Variants in CPAMD8 observed in about 807,000 individuals in gnomAD.
CPAMD8 encodes the protein C3 and PZP like alpha-2-macroglobulin domain containing 8, also known as C3 and PZP-like alpha-2-macroglobulin domain-containing protein 8.
In CPAMD8, 146 loss-of-function variants were observed where a neutral mutation model predicts 224.7. The observed-to-expected ratio is 0.65, with a 90% confidence interval of 0.57 to 0.75. CPAMD8 has a LOEUF of 0.75. Among genes scored for constraint, CPAMD8 ranks in the 30% least tolerant of loss-of-function variants. CPAMD8 has a pLI of 0.00. For missense variants in CPAMD8, 2,301 were observed against 2,537.5 expected (o/e 0.91, Z 2.00); for synonymous variants, 966 against 1,044.6 (o/e 0.92, Z 1.45).
At chr19:16,910,358 C>T (rs543855010) in intron 29 of CPAMD8, 124 of 150,696 alleles carry the variant, frequency 8.2e-4, no homozygotes, top group Admixed American at 1.7e-3. Context: ...TCAGTAGAGA[C>T]GGGGATTCTC....
At chr19:17,001,897 C>G (rs962997547) in intron 9 of CPAMD8, among the ~76,000 whole-genome samples, 2 of 150,440 alleles carry the variant, frequency 1.3e-5, no homozygotes, top group Non-Finnish European at 3.0e-5. Flanking sequence ...GGATGATGCT[C>G]TAGCGGGTGG....
intron 2 of CPAMD8, among the ~76,000 whole-genome samples, chr19:17,021,203 G>C (rs779157583): frequency 6.6e-6 from 1 of 152,174 alleles, no homozygotes; most frequent in East Asian, 1.9e-4. Context: ...CAAGAGGTAG[G>C]GGGAGAAGCT....
At chr19:16,950,686 G>C (rs2054269397) in intron 20 of CPAMD8, among the ~76,000 whole-genome samples, 1 of 151,070 alleles carries the variant, frequency 6.6e-6, no homozygotes, top group African/African-American at 2.4e-5. Context: ...CCATCTACTT[G>C]AGAGGCTGAG....
chr19:16,951,597 G>C (rs1013629727), intron 20 of CPAMD8, among the ~76,000 whole-genome samples: 1 of 152,056 alleles, frequency 6.6e-6, no homozygotes, highest in Non-Finnish European at 1.5e-5. Flanking sequence ...AAAGCTCCAT[G>C]CTATCATATA....
chr19:16,920,341 G>T (rs1011286367), intron 27 of CPAMD8, among the ~76,000 whole-genome samples: 3 of 152,114 alleles, frequency 2.0e-5, no homozygotes, highest in Non-Finnish European at 4.4e-5. Flanking sequence ...GTAGCCAGGC[G>T]TGGTGGCGGG....
rs757180417 is a variant in CPAMD8 at position 16,925,391 on chromosome 19, G to C, written c.3371-19C>G. 7 of 1,603,598 alleles carry C rather than the reference G, an allele frequency of 4.4e-6. No homozygotes were observed. Among genetic ancestry groups the C allele is most frequent in the East Asian group, 4.5e-5 (2 of 44,822 alleles). ...ACGTCCCCTGGTGGGAAGGAGAAGA[G>C]AGTTGAGTTGGGGGCTGTCCCAGTT... On this transcript the variant is annotated intron_variant, in intron 25 of 41. Transcript: ENST00000443236.
At chr19:17,002,173 A>C in intron 9 of CPAMD8, 93 bp downstream of exon 9, 1 of 809,816 alleles carries the variant, frequency 1.2e-6, no homozygotes. Flanking sequence ...GGAGGGAGGC[A>C]GCAGAGGAGG....
chr19:16,982,760 G>A (rs1483380203), intron 13 of CPAMD8, among the ~76,000 whole-genome samples: 1 of 152,236 alleles, frequency 6.6e-6, no homozygotes, highest in South Asian at 2.1e-4. Flanking sequence ...GATCACTTGA[G>A]CACAGGAGGT....
At chr19:16,903,338 C>T (rs962206748) in intron 34 of CPAMD8, among the ~76,000 whole-genome samples, 1 of 151,952 alleles carries the variant, frequency 6.6e-6, no homozygotes, top group Non-Finnish European at 1.5e-5. Context: ...GATCCCTGGA[C>T]TGAGGGTCAA....
At chr19:17,018,302 T>C (rs1195904185) in intron 3 of CPAMD8, among the ~76,000 whole-genome samples, 2 of 152,158 alleles carry the variant, frequency 1.3e-5, no homozygotes, top group African/African-American at 2.4e-5. Flanking sequence ...TGAAAACCCA[T>C]GTCATAAAAT....
intron 18 of CPAMD8, among the ~76,000 whole-genome samples, chr19:16,970,238 C>CAAA (rs34399675): frequency 0.024 from 2,264 of 92,572 alleles, 35 homozygotes; most frequent in Non-Finnish European, 0.037. Context: ...GACTCTGTCT[C>CAAA]AAAAAAAAAA....
At chr19:16,894,549 C>G (rs2051884602) in intron 41 of CPAMD8, 2 of 446,178 alleles carry the variant, frequency 4.5e-6, no homozygotes, top group Non-Finnish European at 9.1e-6. Flanking sequence ...GCCACCTCCT[C>G]ATTTAGATGG....
intron 18 of CPAMD8, among the ~76,000 whole-genome samples, chr19:16,959,545 CT>C (rs1056827789): frequency 4.2e-4 from 58 of 139,560 alleles, no homozygotes; most frequent in South Asian, 3.0e-3. Context: ...CGTATATTTT[CT>C]TTTTTTTTTT....
rs1346985028 is a variant in CPAMD8 at position 16,904,376 on chromosome 19, G to C, written c.4115-14C>G. ...CGGCCGAGACCACTGCAATGGAAGA[G>C]GCCCACTGGGGACTTTTGACACAGG... On this transcript the variant is annotated splice_polypyrimidine_tract_variant and intron_variant, in intron 31 of 41. Coordinates refer to ENST00000443236, the MANE Select transcript of CPAMD8 (RefSeq NM_015692.5). 3 of 1,613,972 alleles carry C rather than the reference G, an allele frequency of 1.9e-6. No homozygotes were observed. Among genetic ancestry groups the C allele is most frequent in the Non-Finnish European group, 2.5e-6 (3 of 1,180,030 alleles).
intron 30 of CPAMD8, among the ~76,000 whole-genome samples, chr19:16,906,592 C>T (rs1306878399): frequency 6.6e-6 from 1 of 151,446 alleles, no homozygotes; most frequent in South Asian, 2.1e-4. Context: ...TTAGGAGAGA[C>T]GGGGTTTCAC....
chr19:17,001,792 G>A (rs576174847), intron 9 of CPAMD8, among the ~76,000 whole-genome samples: 1 of 151,898 alleles, frequency 6.6e-6, no homozygotes, highest in South Asian at 2.1e-4. Context: ...GAGATGGAAG[G>A]GGAGGGCAGA....
Position 16,952,150 on chromosome 19 carries a change from G to GTGAA in CPAMD8, c.2326_2327insTTCA (p.Thr776IlefsTer7). 1 of 1,551,576 alleles carries GTGAA rather than the reference G, an allele frequency of 6.4e-7. No individual in the cohort carries two copies. The highest frequency in any genetic ancestry group is 8.7e-7 in the Non-Finnish European group (1 of 1,146,854). On this transcript the variant is annotated frameshift_variant, in exon 20 of 42. Transcript: ENST00000443236. LOFTEE classifies it high-confidence loss of function. ...GGCCACGGCCTCACCCACCCAGCTGGTGATGGAGTCCGGGACCTTCACACT... is the reference window on the plus strand; with the variant it reads ...GGCCACGGCCTCACCCACCCAGCTGGTGAATGATGGAGTCCGGGACCTTCACACT...
At chr19:16,903,890 T>C (rs1245901592) in intron 32 of CPAMD8, 33 bp from the exon 33 acceptor site, 8 of 1,605,470 alleles carry the variant, frequency 5.0e-6, no homozygotes, top group Non-Finnish European at 1.7e-6. Context: ...CCATCAACCC[T>C]GAGACTGAGT....
At chr19:16,927,893 G>C (rs1421791815) in intron 25 of CPAMD8, 116 bp downstream of exon 25, 1 of 747,278 alleles carries the variant, frequency 1.3e-6, no homozygotes, top group Non-Finnish European at 2.3e-6. Context: ...TGGGTGTATG[G>C]GTGGACACCC....
Sources: gnomAD v4.1 joint callset for allele counts (sites outside exome capture counted in the v4.1 genomes callset) on GRCh38, gnomAD v4.1.1 for gene constraint, MANE v1.5 for transcripts, NCBI Gene and HGNC (gene_info 2026-07-23, HGNC 2026-07-21) for gene names.